The following TRHDE variants were observed in gnomAD, a reference collection of about 807,000 sequenced individuals.
TRHDE encodes thyrotropin releasing hormone degrading enzyme, also known as thyrotropin-releasing hormone-degrading ectoenzyme.
TRHDE carries 72 observed loss-of-function variants against 125.7 expected under a neutral mutation model. The observed-to-expected ratio is 0.57, with a 90% CI of 0.47 to 0.70. The LOEUF is 0.70. Ranked by LOEUF, TRHDE falls within the 30% of genes least tolerant of loss-of-function variation. The pLI is 0.00. For synonymous variants in TRHDE, 509 were observed against 509.1 expected (o/e 1.00, Z 0.00); for missense variants, 1,110 against 1,327.1 (o/e 0.84, Z 2.54).
At chr12:72,323,670 G>A (rs1364287335) in intron 2 of TRHDE, among the ~76,000 whole-genome samples, 1 of 152,138 alleles carries the variant, frequency 6.6e-6, no homozygotes, top group Non-Finnish European at 1.5e-5. Context: ...GTGCCAAAAT[G>A]TGAACGGAGC....
intron 2 of TRHDE, among the ~76,000 whole-genome samples, chr12:72,260,082 AGG>A (rs1395317603): frequency 6.6e-6 from 1 of 152,216 alleles, no homozygotes; most frequent in Non-Finnish European, 1.5e-5. Flanking sequence ...GTTGCTGTAT[AGG>A]AAGGGATCCA....
rs1194497532 is a variant in TRHDE at position 72,664,141 on chromosome 12, C to G, written c.*946C>G. 6.6e-6 allele frequency: 1 copy of G among 152,202 alleles called. No individual in the cohort carries two copies. The highest frequency in any genetic ancestry group is 1.9e-4 in the East Asian group (1 of 5,162). 9.4% of individuals were successfully genotyped at this position (152,202 alleles called of 1,614,324 possible). On this transcript the variant is annotated 3_prime_UTR_variant, in exon 19 of 19. Transcript: ENST00000261180. ...CAAAATTTTTGTATAAACTACTATT[C>G]CAGTTCTCCTGTGTCAGTCTTGCCT...
intron 2 of TRHDE, among the ~76,000 whole-genome samples, chr12:72,300,031 T>C (rs1880445107): frequency 6.6e-6 from 1 of 152,088 alleles, no homozygotes; most frequent in Non-Finnish European, 1.5e-5. Context: ...TGGGTTTTCT[T>C]AGAGTAAGAA....
intron 2 of TRHDE, among the ~76,000 whole-genome samples, chr12:72,351,099 C>A (rs1169101387): frequency 6.6e-6 from 1 of 151,942 alleles, no homozygotes; most frequent in African/African-American, 2.4e-5. Context: ...TTCTAAGCTT[C>A]TTCGGGTTTT....
chr12:72,180,259 C>T (rs1167809769), intron 2 of TRHDE, among the ~76,000 whole-genome samples: 3 of 151,960 alleles, frequency 2.0e-5, no homozygotes, highest in Non-Finnish European at 4.4e-5. Flanking sequence ...TCAAATAGGA[C>T]ATGCAGAAAT....
chr12:72,496,568 G>C (rs1482441255), intron 5 of TRHDE, among the ~76,000 whole-genome samples: 1 of 152,192 alleles, frequency 6.6e-6, no homozygotes, highest in African/African-American at 2.4e-5. Context: ...CCCTTGACAT[G>C]TGGAGATTAT....
chr12:72,464,564 G>A (rs1400734838), intron 3 of TRHDE, among the ~76,000 whole-genome samples: 1 of 152,106 alleles, frequency 6.6e-6, no homozygotes, highest in East Asian at 1.9e-4. Context: ...CAACACAGAA[G>A]CCACAGATGT....
chr12:72,551,893 G>A (rs2172010), intron 7 of TRHDE, among the ~76,000 whole-genome samples: 15,349 of 152,070 alleles, frequency 0.1, 941 homozygotes, highest in East Asian at 0.3. Context: ...TTGAGAAGAC[G>A]GTAGGTATGC....
Position 72,378,089 on chromosome 12 carries a change from A to T in TRHDE, c.1283A>T (p.Tyr428Phe), listed in dbSNP as rs1215876518. ...TKRLIEFYEDYFKVPYSLPKL... is the reference protein window; with the variant it reads ...TKRLIEFYEDFFKVPYSLPKL... ...AGATTAATAGAATTTTATGAAGACT[A>T]CTTTAAAGTGCCCTATTCCTTGCCA... is the stretch of plus-strand genomic sequence containing the variant. Residue 428 changes from tyrosine (Y) to phenylalanine (F), a missense_variant, in exon 3 of 19, where the codon TAC becomes TTC. Coordinates refer to ENST00000261180, the MANE Select transcript of TRHDE (RefSeq NM_013381.3). 3 of 1,601,824 alleles carry T rather than the reference A, an allele frequency of 1.9e-6. No homozygotes were observed. The highest frequency in any genetic ancestry group is 2.7e-5 in the African/African-American group (2 of 74,346).
intron 5 of TRHDE, among the ~76,000 whole-genome samples, chr12:72,473,399 C>G (rs1876742139): frequency 6.6e-6 from 1 of 151,970 alleles, no homozygotes; most frequent in African/African-American, 2.4e-5. Flanking sequence ...CTTCAAAATG[C>G]CACAATTTAC....
At chr12:72,589,121 A>T (rs1198743991) in intron 12 of TRHDE, among the ~76,000 whole-genome samples, 1 of 152,180 alleles carries the variant, frequency 6.6e-6, no homozygotes, top group Admixed American at 6.5e-5. Flanking sequence ...GGTAAGGATC[A>T]AGAGATGCCC....
intron 9 of TRHDE, among the ~76,000 whole-genome samples, chr12:72,563,947 G>A (rs1408133060): frequency 6.6e-6 from 1 of 152,044 alleles, no homozygotes; most frequent in Non-Finnish European, 1.5e-5. Context: ...CCCATGTCTA[G>A]GAGATCTGGA....
intron 3 of TRHDE, among the ~76,000 whole-genome samples, chr12:72,468,999 G>A (rs1272112911): frequency 6.6e-6 from 1 of 152,152 alleles, no homozygotes; most frequent in Non-Finnish European, 1.5e-5. Flanking sequence ...ACACCTCTAT[G>A]ACCTTTTAAA....
chr12:72,380,757 T>TATTC (rs1872120205), intron 3 of TRHDE, among the ~76,000 whole-genome samples: 1 of 94,276 alleles, frequency 1.1e-5, no homozygotes, highest in African/African-American at 6.4e-5. Flanking sequence ...CTTCCTTCCT[T>TATTC]CCTTCCTTGC....
At chr12:72,647,663 T>C (rs542218692) in intron 15 of TRHDE, among the ~76,000 whole-genome samples, 1 of 152,006 alleles carries the variant, frequency 6.6e-6, no homozygotes, top group South Asian at 2.1e-4. Context: ...TGCCAACAAA[T>C]GAAATAACAG....
intron 3 of TRHDE, among the ~76,000 whole-genome samples, chr12:72,395,725 C>G (rs1011469185): frequency 1.3e-5 from 2 of 152,166 alleles, no homozygotes; most frequent in Admixed American, 1.3e-4. Flanking sequence ...CCTGCATTGA[C>G]TTGATGACTT....
chr12:72,579,979 G>T (rs1871159103), intron 12 of TRHDE, among the ~76,000 whole-genome samples: 1 of 151,748 alleles, frequency 6.6e-6, no homozygotes, highest in Non-Finnish European at 1.5e-5. Context: ...TAGATTTATT[G>T]TATGTTGCAG....
intron 15 of TRHDE, among the ~76,000 whole-genome samples, chr12:72,645,767 G>T (rs868007736): frequency 8.5e-5 from 13 of 152,206 alleles, no homozygotes; most frequent in African/African-American, 2.9e-4. Context: ...AATATCAAAA[G>T]ATTTTTCAGC....
intron 2 of TRHDE, among the ~76,000 whole-genome samples, chr12:72,339,253 T>C (rs1052010711): frequency 1.3e-5 from 2 of 152,210 alleles, no homozygotes; most frequent in African/African-American, 4.8e-5. Flanking sequence ...GTTTACCTTA[T>C]ATTTTACTGA....
Sources: gnomAD v4.1 joint callset for allele counts (sites outside exome capture counted in the v4.1 genomes callset) on GRCh38, gnomAD v4.1.1 for gene constraint, MANE v1.5 for transcripts, NCBI Gene and HGNC (gene_info 2026-07-23, HGNC 2026-07-21) for gene names.